The following KLHL32 variants were observed in gnomAD, a reference collection of about 807,000 sequenced individuals.
The protein encoded by KLHL32 is kelch-like protein 32.
A neutral mutation model predicts 64.8 loss-of-function variants in KLHL32; 35 were observed. The ratio of observed to expected loss-of-function variants is 0.54; its 90% CI spans 0.41 to 0.72. The LOEUF (loss-of-function observed/expected upper bound fraction) is 0.72. KLHL32 is among the 30% of genes least tolerant of loss of function. KLHL32 has a pLI of 0.00. For synonymous variants in KLHL32, 259 were observed against 281.0 expected (o/e 0.92, Z 0.78); for missense variants, 589 against 768.5 (o/e 0.77, Z 2.76).
At chr6:97,098,435 A>G (rs1795280712) in intron 6 of KLHL32, among the ~76,000 whole-genome samples, 1 of 152,090 alleles carries the variant, frequency 6.6e-6, no homozygotes, top group Non-Finnish European at 1.5e-5. Flanking sequence ...TTTTTCTCAC[A>G]TGTCAATTGG....
chr6:97,135,322 T>TTTGC (rs373996278), intron 10 of KLHL32, among the ~76,000 whole-genome samples: 1 of 112,286 alleles, frequency 8.9e-6, no homozygotes, highest in African/African-American at 3.5e-5. Flanking sequence ...TTTTTTTTTT[T>TTTGC]CCTGAGAGTG....
chr6:97,100,665 A>ACTGTC (rs1200176710), intron 6 of KLHL32, among the ~76,000 whole-genome samples: 1 of 152,098 alleles, frequency 6.6e-6, no homozygotes, highest in East Asian at 1.9e-4. Flanking sequence ...GAGGGATCTG[A>ACTGTC]CTGTCCCTAT....
rs1793197072 is a variant in KLHL32 at position 97,085,120 on chromosome 6, A to G, written c.412-6A>G. 6 of 1,605,210 alleles carry G rather than the reference A, an allele frequency of 3.7e-6. No individual in the cohort carries two copies. The highest frequency in any genetic ancestry group is 5.1e-6 in the Non-Finnish European group (6 of 1,175,238). ...TCTTTTTTCATTTTTATTTTTTGGCACCCAGGAATTAAATAGCTTTAATTA... is the reference window on the plus strand; with the variant it reads ...TCTTTTTTCATTTTTATTTTTTGGCGCCCAGGAATTAAATAGCTTTAATTA... On this transcript the variant is annotated splice_region_variant and splice_polypyrimidine_tract_variant and intron_variant, in intron 5 of 10. Coordinates refer to ENST00000369261, the MANE Select transcript of KLHL32 (RefSeq NM_052904.4).
intron 3 of KLHL32, among the ~76,000 whole-genome samples, chr6:97,037,941 A>C (rs2103678): frequency 0.082 from 12,450 of 152,230 alleles, 1,067 homozygotes; most frequent in Admixed American, 0.22. Context: ...TTTTTAATAC[A>C]TGGTGTTGGG....
At chr6:97,107,389 T>TA (rs1432141313) in intron 6 of KLHL32, among the ~76,000 whole-genome samples, 1 of 151,768 alleles carries the variant, frequency 6.6e-6, no homozygotes, top group Admixed American at 6.5e-5. Context: ...TAGATATAAT[T>TA]AAAAAATACA....
intron 6 of KLHL32, 68 bp downstream of exon 6, chr6:97,085,409 G>A (rs940078518): frequency 2.2e-6 from 3 of 1,357,534 alleles, no homozygotes; most frequent in Non-Finnish European, 3.1e-6. Context: ...TTAAAGGACT[G>A]AGGAACAATT....
intron 1 of KLHL32, among the ~76,000 whole-genome samples, chr6:96,933,932 G>A (rs1770252374): frequency 6.6e-6 from 1 of 152,226 alleles, no homozygotes; most frequent in South Asian, 2.1e-4. Flanking sequence ...CAGTTTCCTT[G>A]AGTTTTCACT....
chr6:97,073,323 T>C (rs1478294538), intron 5 of KLHL32, among the ~76,000 whole-genome samples: 2 of 152,240 alleles, frequency 1.3e-5, no homozygotes, highest in African/African-American at 2.4e-5. Context: ...TACATTGTTT[T>C]TTAGAAGCCA....
intron 7 of KLHL32, among the ~76,000 whole-genome samples, chr6:97,126,153 C>G (rs1483123012): frequency 6.6e-6 from 1 of 151,946 alleles, no homozygotes; most frequent in Non-Finnish European, 1.5e-5. Context: ...AATTTTATAT[C>G]TTTATTGAAA....
chr6:96,903,380 A>G, the KLHL32 span, among the ~76,000 whole-genome samples: 1 of 152,224 alleles, frequency 6.6e-6, no homozygotes, highest in African/African-American at 2.4e-5. Flanking sequence ...GAATAGAATA[A>G]GGAATAGATA....
chr6:97,025,233 C>A, intron 3 of KLHL32: 1 of 606,748 alleles, frequency 1.6e-6, no homozygotes, highest in Non-Finnish European at 2.1e-6. Flanking sequence ...ACGAATTGTC[C>A]ATAGAGTGGG....
chr6:97,066,685 C>G (rs1789805982), intron 5 of KLHL32, among the ~76,000 whole-genome samples: 1 of 152,120 alleles, frequency 6.6e-6, no homozygotes, highest in African/African-American at 2.4e-5. Context: ...TAGAAACCTT[C>G]CTTATTTCAG....
At chr6:96,915,913 G>A in the KLHL32 span, among the ~76,000 whole-genome samples, 4 of 151,968 alleles carry the variant, frequency 2.6e-5, no homozygotes, top group African/African-American at 9.7e-5. Flanking sequence ...CTTTATAAAG[G>A]TGCTCCCCTT....
At chr6:97,111,361 G>T (rs904887978) in intron 6 of KLHL32, among the ~76,000 whole-genome samples, 11 of 152,168 alleles carry the variant, frequency 7.2e-5, no homozygotes, top group African/African-American at 2.2e-4. Context: ...GATCCTGGGC[G>T]GGCCTCCAGA....
intron 6 of KLHL32, 74 bp from the exon 7 acceptor site, chr6:97,113,709 C>A: frequency 2.7e-6 from 4 of 1,500,190 alleles, no homozygotes; most frequent in Non-Finnish European, 2.7e-6. Flanking sequence ...TACAGGTAAC[C>A]TACCTATATG....
At position 96,939,922 on chromosome 6, in the gene KLHL32, GAGA is replaced by G. The variant is rs1490904692; in HGVS notation, c.-66+14899_-66+14901del. Among the ~76,000 whole-genome samples the G allele has an allele frequency of 6.6e-5, 10 of 152,186 alleles. No homozygotes were observed. The East Asian group carries it at 1.9e-3, about 29-fold the overall frequency. The stretch of plus-strand genomic sequence containing the variant: ...AGCTTAGCCTAGGGAGGTGGGAATA[GAGA>G]AGGAGAGAAATTGCCTAAGGACAAC... On this transcript the variant is annotated intron_variant, in intron 1 of 10. Coordinates refer to ENST00000369261, the MANE Select transcript of KLHL32 (RefSeq NM_052904.4).
chr6:97,098,575 G>A (rs1023402107), intron 6 of KLHL32, among the ~76,000 whole-genome samples: 1 of 152,128 alleles, frequency 6.6e-6, no homozygotes, highest in Non-Finnish European at 1.5e-5. Flanking sequence ...ATAGTAAAGA[G>A]AGTCATTAGG....
chr6:96,938,272 G>GA (rs142927559), intron 1 of KLHL32, among the ~76,000 whole-genome samples: 14,431 of 150,268 alleles, frequency 0.096, 760 homozygotes, highest in Middle Eastern at 0.15. Context: ...TTCCATAGTG[G>GA]AAAAAAAAAC....
intron 9 of KLHL32, among the ~76,000 whole-genome samples, chr6:97,131,775 G>A (rs1799470952): frequency 6.6e-6 from 1 of 152,152 alleles, no homozygotes; most frequent in South Asian, 2.1e-4. Context: ...TCTAATCAGA[G>A]GTTTAGATGC....
Sources: gnomAD v4.1 joint callset for allele counts (sites outside exome capture counted in the v4.1 genomes callset) on GRCh38, gnomAD v4.1.1 for gene constraint, MANE v1.5 for transcripts, NCBI Gene and HGNC (gene_info 2026-07-23, HGNC 2026-07-21) for gene names.